ZNF385D: variants seen among roughly 807,000 people sequenced by gnomAD.
The protein encoded by ZNF385D is zinc finger protein 659.
ZNF385D carries 15 observed loss-of-function variants against 35.8 expected under a neutral mutation model. The observed-to-expected ratio is 0.42, with a 90% CI of 0.28 to 0.64. The LOEUF is 0.64. ZNF385D is among the 30% of genes least tolerant of loss of function. The pLI is 0.23. For synonymous variants in ZNF385D, 212 were observed against 186.8 expected (o/e 1.13, Z -1.10); for missense variants, 474 against 494.6 (o/e 0.96, Z 0.39).
chr3:22,197,207 G>A (rs756888693), intron 2 of ZNF385D, among the ~76,000 whole-genome samples: 1 of 151,934 alleles, frequency 6.6e-6, no homozygotes, highest in Non-Finnish European at 1.5e-5. Context: ...TTTTGAATTT[G>A]TAATTTGACA....
chr3:22,050,134 C>A (rs57792303), intron 3 of ZNF385D, among the ~76,000 whole-genome samples: 1 of 151,240 alleles, frequency 6.6e-6, no homozygotes, highest in Non-Finnish European at 1.5e-5. Flanking sequence ...GGGAGACCAA[C>A]GCATGAGGAT....
At chr3:22,247,048 TACTTATACACACATGCAGTTTC>T (rs1409428381) in intron 2 of ZNF385D, among the ~76,000 whole-genome samples, 1 of 152,202 alleles carries the variant, frequency 6.6e-6, no homozygotes, top group Non-Finnish European at 1.5e-5. Context: ...CACACAGTTT[TACTTATACACACATGCAGTTTC>T]ACTTGTTCAT....
intron 3 of ZNF385D, among the ~76,000 whole-genome samples, chr3:22,149,969 T>A (rs376218045): frequency 6.6e-5 from 10 of 152,168 alleles, no homozygotes; most frequent in Non-Finnish European, 1.5e-4. Flanking sequence ...TGTTTTAATA[T>A]TGAATTCCTA....
chr3:21,613,935 C>T (rs1221202785), intron 2 of ZNF385D, among the ~76,000 whole-genome samples: 4 of 152,172 alleles, frequency 2.6e-5, no homozygotes, highest in African/African-American at 2.4e-5. Flanking sequence ...AAGAATGACT[C>T]AAACACAGAT....
intron 3 of ZNF385D, among the ~76,000 whole-genome samples, chr3:21,784,490 C>T (rs777629103): frequency 5.3e-5 from 8 of 151,968 alleles, no homozygotes; most frequent in South Asian, 2.1e-4. Flanking sequence ...TTTTAAGTAA[C>T]GTGTAAAGTT....
At chr3:21,792,360 A>G (rs1316675222) in intron 3 of ZNF385D, among the ~76,000 whole-genome samples, 1 of 152,042 alleles carries the variant, frequency 6.6e-6, no homozygotes, top group African/African-American at 2.4e-5. Flanking sequence ...CCCCTACCCC[A>G]CTACAGCCCT....
chr3:21,960,822 A>C (rs1190669352), intron 3 of ZNF385D, among the ~76,000 whole-genome samples: 1 of 152,194 alleles, frequency 6.6e-6, no homozygotes, highest in East Asian at 1.9e-4. Flanking sequence ...GAAATAAGTC[A>C]GGCACAGAAA....
intron 3 of ZNF385D, among the ~76,000 whole-genome samples, chr3:21,540,105 G>A (rs1012873976): frequency 2.0e-5 from 3 of 152,106 alleles, no homozygotes; most frequent in Admixed American, 6.5e-5. Flanking sequence ...AATATTCATC[G>A]AAGTATAATT....
At chr3:21,915,341 T>C (rs540294007) in intron 3 of ZNF385D, among the ~76,000 whole-genome samples, 1 of 152,234 alleles carries the variant, frequency 6.6e-6, no homozygotes, top group East Asian at 1.9e-4. Context: ...AGTATTATTA[T>C]TATTGCAGGT....
intron 4 of ZNF385D, among the ~76,000 whole-genome samples, chr3:21,471,401 T>C (rs1703894968): frequency 6.6e-6 from 1 of 151,834 alleles, no homozygotes; most frequent in African/African-American, 2.4e-5. Flanking sequence ...ATTATTTTCA[T>C]GGACAAAGTT....
At chr3:21,803,977 T>C (rs755730377) in intron 3 of ZNF385D, among the ~76,000 whole-genome samples, 2 of 152,234 alleles carry the variant, frequency 1.3e-5, no homozygotes, top group African/African-American at 2.4e-5. Context: ...TAAAATTCTG[T>C]AGTTTCATAT....
chr3:22,139,095 C>T (rs1704333072), intron 3 of ZNF385D, among the ~76,000 whole-genome samples: 1 of 113,278 alleles, frequency 8.8e-6, no homozygotes, highest in Non-Finnish European at 2.0e-5. Context: ...GAATGGCCAT[C>T]ATTAAAAAGT....
At chr3:21,575,661 C>G (rs1433210113) in intron 2 of ZNF385D, among the ~76,000 whole-genome samples, 2 of 152,142 alleles carry the variant, frequency 1.3e-5, no homozygotes, top group African/African-American at 4.8e-5. Context: ...TTGCTGAACT[C>G]TCATCTGACC....
chr3:21,973,177 A>G (rs990185950), intron 3 of ZNF385D, among the ~76,000 whole-genome samples: 1 of 151,982 alleles, frequency 6.6e-6, no homozygotes, highest in Non-Finnish European at 1.5e-5. Flanking sequence ...ACAAAATACC[A>G]AACGACCAAA....
intron 1 of ZNF385D, among the ~76,000 whole-genome samples, chr3:21,709,338 G>A (rs994215619): frequency 3.3e-5 from 5 of 151,860 alleles, no homozygotes; most frequent in Non-Finnish European, 7.4e-5. Flanking sequence ...CTAATTTTTC[G>A]AGCCAGAGTT....
At chr3:21,478,677 G>A (rs1388373914) in intron 4 of ZNF385D, among the ~76,000 whole-genome samples, 9 of 152,118 alleles carry the variant, frequency 5.9e-5, no homozygotes, top group African/African-American at 1.9e-4. Flanking sequence ...CTCTGATACA[G>A]AAAGAATCAG....
intron 2 of ZNF385D, among the ~76,000 whole-genome samples, chr3:22,328,993 C>A (rs1042564512): frequency 1.4e-5 from 2 of 143,108 alleles, no homozygotes; most frequent in African/African-American, 2.6e-5. Flanking sequence ...AGGAGAATGG[C>A]GTGAACCCGG....
At chr3:22,137,294 C>T (rs1083729) in intron 3 of ZNF385D, among the ~76,000 whole-genome samples, 42 of 152,042 alleles carry the variant, frequency 2.8e-4, no homozygotes, top group South Asian at 6.2e-4. Flanking sequence ...CAATAGAAAA[C>T]GAGGGAATCC....
intron 2 of ZNF385D, among the ~76,000 whole-genome samples, chr3:22,335,968 T>G (rs577234896): frequency 1.3e-5 from 2 of 152,230 alleles, no homozygotes; most frequent in East Asian, 3.9e-4. Context: ...TTGTCTGAAT[T>G]TTCAAAAATG....
Sources: gnomAD v4.1 joint callset for allele counts (sites outside exome capture counted in the v4.1 genomes callset) on GRCh38, gnomAD v4.1.1 for gene constraint, MANE v1.5 for transcripts, NCBI Gene and HGNC (gene_info 2026-07-23, HGNC 2026-07-21) for gene names.